TMOD2: variants seen among roughly 807,000 people sequenced by gnomAD.
TMOD2 encodes the protein tropomodulin-2.
In TMOD2, 22 loss-of-function variants were observed where a neutral mutation model predicts 39.9. The ratio of observed to expected loss-of-function variants is 0.55; its 90% CI spans 0.39 to 0.79. The LOEUF (loss-of-function observed/expected upper bound fraction) is 0.79. Among genes scored for constraint, TMOD2 ranks in the 30% least tolerant of loss-of-function variants. TMOD2 has a pLI of 0.00. For synonymous variants in TMOD2, 123 were observed against 146.1 expected (o/e 0.84, Z 1.14); for missense variants, 386 against 413.3 (o/e 0.93, Z 0.57).
Position 51,808,707 on chromosome 15 carries a change from GA to G in TMOD2, c.*254del. On this transcript the variant is annotated 3_prime_UTR_variant, in exon 10 of 10. Coordinates refer to ENST00000249700, the MANE Select transcript of TMOD2 (RefSeq NM_014548.4). ...ACCGATGCAGATTTTAGAGAGTGACGACATGGAAAATGAATTTAACCACTTT... is the reference window on the plus strand; with the variant it reads ...ACCGATGCAGATTTTAGAGAGTGACGCATGGAAAATGAATTTAACCACTTT... The G allele has an allele frequency of 2.9e-6, 1 of 349,236 alleles. No homozygotes were observed. The allele number at this position is 349,236 out of a possible 1,614,324, so 21.6% of individuals were successfully genotyped here.
intron 1 of TMOD2, among the ~76,000 whole-genome samples, chr15:51,763,877 A>G (rs1372800017): frequency 6.6e-6 from 1 of 152,228 alleles, no homozygotes; most frequent in Non-Finnish European, 1.5e-5. Context: ...TAAATGTGGC[A>G]AAGTATGCAT....
At position 51,813,291 on chromosome 15, in the gene TMOD2, T is replaced by G. The variant is rs953537158; in HGVS notation, c.*4837T>G. 2 of 152,058 alleles carry G rather than the reference T, an allele frequency of 1.3e-5. No individual in the cohort carries two copies. Among genetic ancestry groups the G allele is most frequent in the African/African-American group, 4.8e-5 (2 of 41,366 alleles). 9.4% of individuals were successfully genotyped at this position (152,058 alleles called of 1,614,324 possible). ...AATCAGTAGACCAATGGAAGAGGAG[T>G]TGCAAGTTTAAATTTGTAACCTGAC... On this transcript the variant is annotated 3_prime_UTR_variant, in exon 10 of 10. Coordinates refer to ENST00000249700, the MANE Select transcript of TMOD2 (RefSeq NM_014548.4).
chr15:51,776,707 T>G (rs910065881), intron 4 of TMOD2, among the ~76,000 whole-genome samples: 1 of 152,186 alleles, frequency 6.6e-6, no homozygotes, highest in Admixed American at 6.5e-5. Flanking sequence ...CCTAAATGAT[T>G]CTACATGTGG....
chr15:51,752,137 C>T (rs953205786), intron 1 of TMOD2, among the ~76,000 whole-genome samples: 2 of 152,096 alleles, frequency 1.3e-5, no homozygotes, highest in African/African-American at 4.8e-5. Flanking sequence ...CTCCCTGCCT[C>T]GTTCAGCAGG....
chr15:51,780,920 A>C, intron 5 of TMOD2, 124 bp from the exon 6 acceptor site: 1 of 731,210 alleles, frequency 1.4e-6, no homozygotes, highest in Non-Finnish European at 2.2e-6. Flanking sequence ...GAATACACCT[A>C]CTGTCATTGC....
chr15:51,753,974 A>G (rs1383086247), intron 1 of TMOD2, among the ~76,000 whole-genome samples: 1 of 152,208 alleles, frequency 6.6e-6, no homozygotes, highest in African/African-American at 2.4e-5. Flanking sequence ...GGTTCGTGAC[A>G]AACAGCTGCA....
At chr15:51,801,231 T>TCACACACACACACA (rs1182352451) in intron 8 of TMOD2, among the ~76,000 whole-genome samples, 2 of 97,360 alleles carry the variant, frequency 2.1e-5, no homozygotes, top group African/African-American at 1.0e-4. Context: ...TCTCTCTCTC[T>TCACACACACACACA]CTCTCTCACA....
intron 1 of TMOD2, among the ~76,000 whole-genome samples, chr15:51,758,248 A>G (rs1205717739): frequency 6.6e-6 from 1 of 152,190 alleles, no homozygotes; most frequent in Non-Finnish European, 1.5e-5. Flanking sequence ...CATAGTATGA[A>G]CATGTTATTT....
At chr15:51,762,364 T>C (rs1229312947) in intron 1 of TMOD2, among the ~76,000 whole-genome samples, 1 of 152,036 alleles carries the variant, frequency 6.6e-6, no homozygotes, top group African/African-American at 2.4e-5. Flanking sequence ...GAGACTGATG[T>C]GGGAGAATCG....
rs537512924 is a variant in TMOD2 at position 51,777,600 on chromosome 15, T to C, written c.493+582T>C. 2.5e-4 allele frequency among the ~76,000 whole-genome samples: 38 copies of C among 152,296 alleles called. 1 individual carries two copies. In the South Asian group the frequency reaches 7.7e-3, roughly 31 times the overall value. ...ACAATTAATTAGACTTTTTTATTCA[T>C]TCATTCATCAGTCATCCACTAAATA... On this transcript the variant is annotated intron_variant, in intron 5 of 9. Coordinates refer to ENST00000249700, the MANE Select transcript of TMOD2 (RefSeq NM_014548.4).
rs1160247058 is a variant in TMOD2, at chr15:51,809,372, T to C, written c.*918T>C. 2.0e-5 allele frequency: 3 copies of C among 152,686 alleles called. No individual in the cohort carries two copies. The highest frequency in any genetic ancestry group is 6.5e-5 in the Admixed American group (1 of 15,290). The allele number at this position is 152,686 out of a possible 1,614,324, so 9.5% of individuals were successfully genotyped here. ...GGCAAATTTTAGAAGCATTTATTGC[T>C]TTGTCTTTAGTGTAACAAGATCACT... On this transcript the variant is annotated 3_prime_UTR_variant, in exon 10 of 10. Transcript: ENST00000249700.
At chr15:51,787,092 A>T (rs1240262393) in intron 7 of TMOD2, among the ~76,000 whole-genome samples, 3 of 152,162 alleles carry the variant, frequency 2.0e-5, no homozygotes, top group African/African-American at 4.8e-5. Flanking sequence ...GCCATGAGTG[A>T]CTGTATCTGG....
At chr15:51,780,956 TATGAAA>T in intron 5 of TMOD2, 82 bp from the exon 6 acceptor site, 1 of 1,069,848 alleles carries the variant, frequency 9.3e-7, no homozygotes, top group Admixed American at 2.6e-5. Flanking sequence ...GGAATCAGCA[TATGAAA>T]GAAATGTCAT....
At chr15:51,777,323 G>T (rs1223762687) in intron 5 of TMOD2, among the ~76,000 whole-genome samples, 2 of 152,176 alleles carry the variant, frequency 1.3e-5, no homozygotes, top group Admixed American at 6.5e-5. Flanking sequence ...AAAAAAAATT[G>T]CTGATATAAG....
At chr15:51,753,799 G>A (rs138730086) in intron 1 of TMOD2, among the ~76,000 whole-genome samples, 1 of 152,046 alleles carries the variant, frequency 6.6e-6, no homozygotes, top group African/African-American at 2.4e-5. Context: ...ACAAGTTCAG[G>A]AACGTAGCAA....
intron 2 of TMOD2, 108 bp from the exon 3 acceptor site, chr15:51,768,154 G>A: frequency 3.8e-6 from 5 of 1,302,368 alleles, no homozygotes; most frequent in Non-Finnish European, 3.2e-6. Flanking sequence ...ATTCTGCGTA[G>A]GTATCCTTCC....
intron 1 of TMOD2, among the ~76,000 whole-genome samples, chr15:51,753,783 A>G: frequency 6.6e-6 from 1 of 151,768 alleles, no homozygotes; most frequent in East Asian, 1.9e-4. Context: ...GGATAGGGGT[A>G]GCAGAACAAG....
chr15:51,778,307 A>G (rs1172860544), intron 5 of TMOD2, among the ~76,000 whole-genome samples: 4 of 121,788 alleles, frequency 3.3e-5, no homozygotes, highest in Non-Finnish European at 6.4e-5. Context: ...GGACACAGGA[A>G]GGGGAACATC....
At chr15:51,781,675 C>T (rs2055930818) in intron 6 of TMOD2, among the ~76,000 whole-genome samples, 1 of 152,144 alleles carries the variant, frequency 6.6e-6, no homozygotes, top group Non-Finnish European at 1.5e-5. Flanking sequence ...GCGAGTGATC[C>T]AAGACAGAGA....
Sources: allele counts gnomAD v4.1 joint callset (sites outside exome capture counted in the v4.1 genomes callset), GRCh38; gene constraint gnomAD v4.1.1; transcripts MANE v1.5; gene names NCBI Gene and HGNC (gene_info 2026-07-23, HGNC 2026-07-21).